Variants in SPOCK1 observed in about 807,000 individuals in gnomAD.
The protein encoded by SPOCK1 is SPARC (osteonectin), cwcv and kazal like domains proteoglycan 1, also known as testican-1.
In SPOCK1, 23 loss-of-function variants were observed where a neutral mutation model predicts 55.3. The observed-to-expected ratio is 0.42, with a 90% CI of 0.30 to 0.59. SPOCK1 has a LOEUF of 0.59. Among genes scored for constraint, SPOCK1 ranks in the 20% least tolerant of loss-of-function variants. The pLI is 0.22. For synonymous variants in SPOCK1, 226 were observed against 221.0 expected (o/e 1.02, Z -0.20); for missense variants, 499 against 552.5 (o/e 0.90, Z 0.97).
At chr5:137,413,801 T>C (rs1269383911) in intron 2 of SPOCK1, among the ~76,000 whole-genome samples, 1 of 152,188 alleles carries the variant, frequency 6.6e-6, no homozygotes, top group Non-Finnish European at 1.5e-5. Context: ...AATCAAGAAG[T>C]ACCAAACTGT....
chr5:137,266,565 T>C (rs1756856189), intron 3 of SPOCK1, among the ~76,000 whole-genome samples: 1 of 152,224 alleles, frequency 6.6e-6, no homozygotes, highest in Non-Finnish European at 1.5e-5. Flanking sequence ...AGAAGTTATT[T>C]AACAAATAAA....
Position 137,225,725 on chromosome 5 carries a change from C to G in SPOCK1, c.232+41285G>C, listed in dbSNP as rs550744541. 2.4e-3 allele frequency among the ~76,000 whole-genome samples: 367 copies of G among 152,322 alleles called. 4 individuals are homozygous for G. The highest frequency in any genetic ancestry group is 2.3e-3 in the Non-Finnish European group (159 of 68,032). On this transcript the variant is annotated intron_variant, in intron 3 of 10. Transcript: ENST00000394945. ...GGCTCTATCATCAGAAGTACTGATT[C>G]AGCATGTCTAAGGTGGAGCTGCAAA...
rs1279878752 is a variant in SPOCK1 at position 137,122,249 on chromosome 5, ACACACACG to A, written c.348-9696_348-9689del. Among the ~76,000 whole-genome samples the A allele has an allele frequency of 1.5e-3, 171 of 113,568 alleles. 3 individuals are homozygous for A. The Middle Eastern group carries it at 0.029, about 19-fold the overall frequency. 74.5% of individuals were successfully genotyped at this position (113,568 alleles called of 152,430 possible). The stretch of plus-strand genomic sequence containing the variant: ...CATGCAAAAGCAGTTATACACACAC[ACACACACG>A]CACACACACACACACACACACACAG... On this transcript the variant is annotated intron_variant, in intron 4 of 10. Transcript: ENST00000394945.
chr5:137,402,670 C>G (rs924850066), intron 2 of SPOCK1, among the ~76,000 whole-genome samples: 1 of 152,144 alleles, frequency 6.6e-6, no homozygotes, highest in Admixed American at 6.5e-5. Flanking sequence ...AACCACAGCC[C>G]AGTAAAACAG....
intron 3 of SPOCK1, among the ~76,000 whole-genome samples, chr5:137,245,766 CAAAACAAAACAAAA>C (rs1756381108): frequency 2.0e-5 from 1 of 50,924 alleles, no homozygotes; most frequent in African/African-American, 9.6e-5. Context: ...AAAAACAAAA[CAAAACAAAACAAAA>C]AAAAAACAAA....
At chr5:137,093,059 C>G (rs1282988517) in intron 5 of SPOCK1, among the ~76,000 whole-genome samples, 1 of 152,184 alleles carries the variant, frequency 6.6e-6, no homozygotes. Flanking sequence ...AAAACATTAA[C>G]CCATTAAAAT....
chr5:137,071,266 T>G (rs2127008074), intron 5 of SPOCK1, among the ~76,000 whole-genome samples: 1 of 152,252 alleles, frequency 6.6e-6, no homozygotes, highest in South Asian at 2.1e-4. Context: ...AATGCTAGAA[T>G]TACAGGCAAG....
chr5:137,338,451 C>T (rs1463882885), intron 2 of SPOCK1, among the ~76,000 whole-genome samples: 1 of 152,002 alleles, frequency 6.6e-6, no homozygotes, highest in African/African-American at 2.4e-5. Flanking sequence ...CAAGTCTTTG[C>T]TATTGTGAAT....
intron 2 of SPOCK1, among the ~76,000 whole-genome samples, chr5:137,334,724 C>T (rs751619424): frequency 2.2e-4 from 34 of 152,196 alleles, no homozygotes; most frequent in Non-Finnish European, 1.8e-4. Flanking sequence ...TCATTTTCTC[C>T]TCACAGTCCT....
intron 2 of SPOCK1, among the ~76,000 whole-genome samples, chr5:137,297,033 C>A (rs1757502477): frequency 6.6e-6 from 1 of 152,150 alleles, no homozygotes; most frequent in Non-Finnish European, 1.5e-5. Context: ...TACATACATA[C>A]ACATGCAATA....
chr5:137,100,555 A>T (rs754713907), intron 5 of SPOCK1, among the ~76,000 whole-genome samples: 3 of 152,220 alleles, frequency 2.0e-5, no homozygotes, highest in Non-Finnish European at 2.9e-5. Flanking sequence ...AATACTTCTA[A>T]TGAGCTCAAT....
At chr5:137,157,826 G>A (rs916345874) in intron 3 of SPOCK1, among the ~76,000 whole-genome samples, 4 of 152,184 alleles carry the variant, frequency 2.6e-5, no homozygotes, top group Non-Finnish European at 4.4e-5. Context: ...TCGGGAGACC[G>A]AGGCAGGCAG....
At chr5:137,020,947 T>A (rs909271909) in intron 6 of SPOCK1, among the ~76,000 whole-genome samples, 1 of 152,078 alleles carries the variant, frequency 6.6e-6, no homozygotes, top group Non-Finnish European at 1.5e-5. Context: ...CATGCACTCA[T>A]GGTAGAAGCA....
At chr5:137,365,321 C>T (rs375527208) in intron 2 of SPOCK1, 3 of 152,266 alleles carry the variant, frequency 2.0e-5, no homozygotes, top group Admixed American at 2.0e-4. Flanking sequence ...AGCTGTCTGG[C>T]ACATGCCCAG....
At chr5:137,208,615 CAAATACT>C (rs1755559487) in intron 3 of SPOCK1, among the ~76,000 whole-genome samples, 1 of 152,096 alleles carries the variant, frequency 6.6e-6, no homozygotes, top group African/African-American at 2.4e-5. Context: ...AAGAGAAAAC[CAAATACT>C]GCATGTTCTC....
At chr5:137,009,837 A>T (rs1339235613) in intron 6 of SPOCK1, among the ~76,000 whole-genome samples, 1 of 152,158 alleles carries the variant, frequency 6.6e-6, no homozygotes, top group Non-Finnish European at 1.5e-5. Flanking sequence ...GGGGGATACA[A>T]AGATGATTAA....
intron 5 of SPOCK1, among the ~76,000 whole-genome samples, chr5:137,110,840 T>C (rs964186562): frequency 1.3e-5 from 2 of 152,148 alleles, no homozygotes; most frequent in Non-Finnish European, 1.5e-5. Context: ...ATGGATCAAA[T>C]GATAACCTGT....
intron 3 of SPOCK1, among the ~76,000 whole-genome samples, chr5:137,250,640 A>C (rs1241878353): frequency 4.0e-5 from 6 of 151,886 alleles, no homozygotes; most frequent in Non-Finnish European, 8.8e-5. Flanking sequence ...TGGGAAGCTG[A>C]ATCTTTCCAA....
In SPOCK1 at chr5:137,114,428, A is replaced by G. The variant is rs374281787; in HGVS notation, c.348-1867T>C. ...GCTTGAAAATTCTTTGAGGGCACCC[A>G]TATGTGTGTCATTTGGGGTCTTCTC... On this transcript the variant is annotated intron_variant, in intron 4 of 10. Coordinates refer to ENST00000394945, the MANE Select transcript of SPOCK1 (RefSeq NM_004598.4). Among the ~76,000 whole-genome samples, 7 of 152,192 alleles carry G rather than the reference A, an allele frequency of 4.6e-5. 1 individual carries two copies. The East Asian group carries it at 7.7e-4, about 17-fold the overall frequency.
Sources: allele counts gnomAD v4.1 joint callset (sites outside exome capture counted in the v4.1 genomes callset), GRCh38; gene constraint gnomAD v4.1.1; transcripts MANE v1.5; gene names NCBI Gene and HGNC (gene_info 2026-07-23, HGNC 2026-07-21).